Variants in PPP1CB observed in about 807,000 individuals in gnomAD.
PPP1CB encodes the protein protein phosphatase 1 catalytic subunit beta, also known as serine/threonine-protein phosphatase PP1-beta catalytic subunit.
A neutral mutation model predicts 43.7 loss-of-function variants in PPP1CB; 2 were observed. The observed-to-expected ratio is 0.05, with a 90% confidence interval of 0.02 to 0.14. The LOEUF is 0.14. PPP1CB is among the 10% of genes least tolerant of loss of function. PPP1CB has a pLI of 1.00. For missense variants in PPP1CB, 84 were observed against 398.0 expected (o/e 0.21, Z 6.71); for synonymous variants, 136 against 135.6 (o/e 1.00, Z -0.02).
At chr2:28,785,844 GTATAA>G (rs951818527) in intron 5 of PPP1CB, among the ~76,000 whole-genome samples, 1 of 151,552 alleles carries the variant, frequency 6.6e-6, no homozygotes, top group African/African-American at 2.4e-5. Flanking sequence ...TTAAAATAAG[GTATAA>G]TATAAATATG....
Position 28,792,938 on chromosome 2 carries a change from G to C in PPP1CB, c.745-925G>C, listed in dbSNP as rs573573104. On this transcript the variant is annotated intron_variant, in intron 6 of 7. Coordinates refer to ENST00000395366, the MANE Select transcript of PPP1CB (RefSeq NM_002709.3). ...TAACTCATCAAGGCCAGGCACGGTG[G>C]CTCACGCCTGTAATCCCAGCACTTT... Among the ~76,000 whole-genome samples, 31 of 152,308 alleles carry C rather than the reference G, an allele frequency of 2.0e-4. 1 individual carries two copies. In the South Asian group the frequency reaches 6.4e-3, roughly 32 times the overall value.
At chr2:28,787,304 A>G (rs1464921149) in intron 5 of PPP1CB, among the ~76,000 whole-genome samples, 1 of 151,994 alleles carries the variant, frequency 6.6e-6, no homozygotes, top group Non-Finnish European at 1.5e-5. Flanking sequence ...CTAAAAATAC[A>G]AAAAATTAGC....
intron 5 of PPP1CB, 146 bp downstream of exon 5, chr2:28,784,124 T>G: frequency 5.3e-6 from 3 of 563,642 alleles, no homozygotes; most frequent in Non-Finnish European, 9.3e-6. Context: ...TTACTTTATT[T>G]GCAGTAATAC....
intron 1 of PPP1CB, among the ~76,000 whole-genome samples, chr2:28,758,835 T>A (rs889740263): frequency 1.9e-4 from 29 of 152,364 alleles, no homozygotes; most frequent in African/African-American, 6.7e-4. Context: ...ATTGATGATA[T>A]GTGCATATCC....
At chr2:28,760,306 A>T (rs1666611579) in intron 1 of PPP1CB, among the ~76,000 whole-genome samples, 1 of 152,244 alleles carries the variant, frequency 6.6e-6, no homozygotes. Flanking sequence ...TTTCTAAAGT[A>T]AAAAATGTTA....
At position 28,802,564 on chromosome 2, in the gene PPP1CB, A is replaced by G. The variant is rs1048256212; in HGVS notation, c.*3261A>G. ...TAAAACAGCTGAAAATTGGGACAAC[A>G]TACTTTACGCAATGAACAGTAGTTA... On this transcript the variant is annotated 3_prime_UTR_variant, in exon 8 of 8. Coordinates refer to ENST00000395366, the MANE Select transcript of PPP1CB (RefSeq NM_002709.3). 6.6e-6 allele frequency: 1 copy of G among 152,248 alleles called. No homozygotes were observed. The highest frequency in any genetic ancestry group is 6.5e-5 in the Admixed American group (1 of 15,284). The allele number at this position is 152,248 out of a possible 1,614,324, so 9.4% of individuals were successfully genotyped here. A position where few individuals can be genotyped will look rare whatever the true frequency, so the allele number is the denominator to read the frequency against.
chr2:28,771,400 C>T (rs1472187509), intron 1 of PPP1CB, among the ~76,000 whole-genome samples: 2 of 123,242 alleles, frequency 1.6e-5, no homozygotes, highest in Non-Finnish European at 3.7e-5. Context: ...GGGCTAGACA[C>T]AAGCCAATTT....
At chr2:28,757,652 T>G (rs1204787406) in intron 1 of PPP1CB, among the ~76,000 whole-genome samples, 1 of 152,198 alleles carries the variant, frequency 6.6e-6, no homozygotes, top group Non-Finnish European at 1.5e-5. Flanking sequence ...GAGGAATATT[T>G]TATCTCCTTG....
At chr2:28,797,742 T>C (rs960548134) in intron 7 of PPP1CB, among the ~76,000 whole-genome samples, 10 of 152,202 alleles carry the variant, frequency 6.6e-5, no homozygotes, top group Non-Finnish European at 1.2e-4. Flanking sequence ...GCTAGCAGTC[T>C]ATCTTGTTTA....
At chr2:28,777,151 CAA>C in intron 2 of PPP1CB, 169 bp downstream of exon 2, 1 of 591,404 alleles carries the variant, frequency 1.7e-6, no homozygotes, top group Non-Finnish European at 2.7e-6. Context: ...AAGTTACAGA[CAA>C]GATGAAAATA....
chr2:28,769,811 C>T (rs1284937028), intron 1 of PPP1CB, among the ~76,000 whole-genome samples: 2 of 151,238 alleles, frequency 1.3e-5, no homozygotes, highest in African/African-American at 2.4e-5. Flanking sequence ...GAATATATAA[C>T]GAAAAGCTAA....
At chr2:28,753,577 C>T (rs1377844020) in intron 1 of PPP1CB, among the ~76,000 whole-genome samples, 2 of 151,930 alleles carry the variant, frequency 1.3e-5, no homozygotes, top group African/African-American at 2.4e-5. Flanking sequence ...CTACCTAAGA[C>T]TTTGTTTCAG....
chr2:28,788,982 C>G (rs565496690), intron 6 of PPP1CB, among the ~76,000 whole-genome samples, 173 bp downstream of exon 6: 1 of 152,174 alleles, frequency 6.6e-6, no homozygotes, highest in Non-Finnish European at 1.5e-5. Context: ...CTCAGCCTCC[C>G]AAGTAGCTGG....
chr2:28,770,050 C>T (rs1291308040), intron 1 of PPP1CB, among the ~76,000 whole-genome samples: 1 of 152,070 alleles, frequency 6.6e-6, no homozygotes, highest in East Asian at 1.9e-4. Context: ...GGACAGGTCA[C>T]TTGAGGTCAG....
rs575321678 is a variant in PPP1CB at position 28,783,726 on chromosome 2, C to G, written c.521-181C>G. Among the ~76,000 whole-genome samples the G allele has an allele frequency of 2.0e-5, 3 of 150,726 alleles. No homozygotes were observed. In the East Asian group the frequency reaches 5.8e-4, roughly 29 times the overall value. Reference sequence around the variant, plus strand: ...GAGCTGAGATCACGCTACTGCACTGCAGCCTGGGTGACAGAGTAAGATTCT... The same window carrying G: ...GAGCTGAGATCACGCTACTGCACTGGAGCCTGGGTGACAGAGTAAGATTCT... On this transcript the variant is annotated intron_variant, in intron 4 of 7. Coordinates refer to ENST00000395366, the MANE Select transcript of PPP1CB (RefSeq NM_002709.3).
chr2:28,756,344 G>A (rs1241077233), intron 1 of PPP1CB, among the ~76,000 whole-genome samples: 1 of 152,146 alleles, frequency 6.6e-6, no homozygotes, highest in Non-Finnish European at 1.5e-5. Flanking sequence ...GGATGTGTTT[G>A]TACCTGTTTT....
At chr2:28,780,027 G>T (rs1445042335) in intron 3 of PPP1CB, among the ~76,000 whole-genome samples, 1 of 151,534 alleles carries the variant, frequency 6.6e-6, no homozygotes, top group African/African-American at 2.4e-5. Flanking sequence ...GCTGTATCAG[G>T]CTTCCAATGC....
chr2:28,797,039 T>C (rs922508939), intron 7 of PPP1CB, among the ~76,000 whole-genome samples: 6 of 152,184 alleles, frequency 3.9e-5, no homozygotes, highest in African/African-American at 9.7e-5. Context: ...GAGATGATCA[T>C]ATGGTGTTTG....
At chr2:28,794,773 T>C (rs1251077806) in intron 7 of PPP1CB, among the ~76,000 whole-genome samples, 3 of 152,160 alleles carry the variant, frequency 2.0e-5, no homozygotes, top group Non-Finnish European at 4.4e-5. Flanking sequence ...CATTTATTTA[T>C]TTATTTTTTT....
Sources: allele counts gnomAD v4.1 joint callset (sites outside exome capture counted in the v4.1 genomes callset), GRCh38; gene constraint gnomAD v4.1.1; transcripts MANE v1.5; gene names NCBI Gene and HGNC (gene_info 2026-07-23, HGNC 2026-07-21).